Variants in RAI2 observed in about 807,000 individuals in gnomAD.
RAI2 encodes retinoic acid-induced protein 2.
A neutral mutation model predicts 15.3 loss-of-function variants in RAI2; 5 were observed. The observed-to-expected ratio is 0.33, with a 90% CI of 0.17 to 0.69. RAI2 has a LOEUF of 0.69. Ranked by LOEUF, RAI2 falls within the 30% of genes least tolerant of loss-of-function variation. RAI2 has a pLI of 0.69. For missense variants in RAI2, 424 were observed against 424.7 expected (o/e 1.00, Z 0.01); for synonymous variants, 191 against 184.0 (o/e 1.04, Z -0.31).
Position 17,801,675 on chromosome X carries a change from G to T in RAI2, c.336C>A (p.Tyr112Ter). ...GCACGGGGCCCTGGGTGGTCATGAC[G>T]TAGGTGGCATTGCCATTCGGATTGA... is the stretch of plus-strand genomic sequence containing the variant. Reference protein sequence around the residue: ...PELNPNGNATYVMTTQGPVQL... With the variant: ...PELNPNGNAT The change falls in exon 2 of 2, where the codon TAC (tyrosine) becomes TAA (stop). Residue 112 changes from tyrosine to a stop codon, truncating the protein, a stop_gained. Coordinates refer to ENST00000451717, the MANE Select transcript of RAI2 (RefSeq NM_021785.6). LOFTEE classifies it high-confidence loss of function. The T allele has an allele frequency of 8.3e-7, 1 of 1,212,044 alleles. No homozygotes were observed. The highest frequency in any genetic ancestry group is 1.1e-6 in the Non-Finnish European group (1 of 895,592).
At chrX:17,859,812 A>G (rs2147294218) in intron 1 of RAI2, among the ~76,000 whole-genome samples, 1 of 111,469 alleles carries the variant, frequency 9.0e-6, no homozygotes, top group African/African-American at 3.3e-5. Flanking sequence ...GGTCACCCAG[A>G]CGCTGCGCCG....
Position 17,801,297 on chromosome X carries a change from G to A in RAI2, c.714C>T (p.Val238=). The change falls in exon 2 of 2, where the codon GTC becomes GTT. Residue 238 remains valine, a synonymous_variant. Transcript: ENST00000451717. ...ATLLVPYPVI[V]PLPVPVPIPI... ...GAATAGGGACTGGCACAGGCAAGGG[G>A]ACGATTACAGGATACGGCACCAAGA... is the stretch of plus-strand genomic sequence containing the variant. The A allele has an allele frequency of 8.4e-7, 1 of 1,186,489 alleles. No individual in the cohort carries two copies. Among genetic ancestry groups the A allele is most frequent in the Non-Finnish European group, 1.1e-6 (1 of 882,100 alleles).
At chrX:17,814,934 CTAATAA>C (rs527628476) in intron 1 of RAI2, among the ~76,000 whole-genome samples, 3,352 of 106,188 alleles carry the variant, frequency 0.032, 55 homozygotes, top group Non-Finnish European at 0.051. Context: ...TGCATGCTGC[CTAATAA>C]TAATAATAAT....
chrX:17,816,192 A>G (rs2067106328), intron 1 of RAI2, among the ~76,000 whole-genome samples: 1 of 110,444 alleles, frequency 9.1e-6, no homozygotes, highest in Non-Finnish European at 1.9e-5. Context: ...GTTTCTAAGC[A>G]TCCCCAGCAG....
At chrX:17,835,762 A>C (rs1211145848) in intron 1 of RAI2, among the ~76,000 whole-genome samples, 3 of 112,127 alleles carry the variant, frequency 2.7e-5, no homozygotes, top group Non-Finnish European at 5.6e-5. Flanking sequence ...GATGAAAAGG[A>C]AACTGGACAA....
At chrX:17,854,592 G>A (rs1229599532) in intron 1 of RAI2, among the ~76,000 whole-genome samples, 1 of 111,333 alleles carries the variant, frequency 9.0e-6, no homozygotes, top group African/African-American at 3.3e-5. Context: ...GAATTATAAG[G>A]GAAAAGTGGC....
intron 1 of RAI2, among the ~76,000 whole-genome samples, chrX:17,851,755 G>C (rs1470702580): frequency 8.9e-6 from 1 of 111,940 alleles, no homozygotes; most frequent in African/African-American, 3.2e-5. Flanking sequence ...TCGAAAGATA[G>C]TGGCAGCCTC....
At position 17,801,675 on chromosome X, in the gene RAI2, G is replaced by A. The variant is rs760262315; in HGVS notation, c.336C>T (p.Tyr112=). The A allele has an allele frequency of 1.2e-4, 145 of 1,210,325 alleles. No individual in the cohort carries two copies. Among genetic ancestry groups the A allele is most frequent in the Middle Eastern group, 2.3e-4 (1 of 4,353 alleles). The part of the protein sequence containing the change: ...PELNPNGNAT[Y]VMTTQGPVQL... ...GCACGGGGCCCTGGGTGGTCATGACGTAGGTGGCATTGCCATTCGGATTGA... is the reference window on the plus strand; with the variant it reads ...GCACGGGGCCCTGGGTGGTCATGACATAGGTGGCATTGCCATTCGGATTGA... Residue 112 remains tyrosine (Y), a synonymous_variant, in exon 2 of 2, where the codon TAC becomes TAT. Coordinates refer to ENST00000451717, the MANE Select transcript of RAI2 (RefSeq NM_021785.6).
intron 1 of RAI2, among the ~76,000 whole-genome samples, chrX:17,853,697 A>G (rs2067564181): frequency 9.0e-6 from 1 of 111,046 alleles, no homozygotes; most frequent in African/African-American, 3.3e-5. Context: ...AAAGGATCCC[A>G]TTTTTTTCAA....
At chrX:17,805,428 T>G (rs2066966816) in intron 1 of RAI2, among the ~76,000 whole-genome samples, 1 of 112,802 alleles carries the variant, frequency 8.9e-6, no homozygotes, top group Non-Finnish European at 1.9e-5. Context: ...GTGGCTATGG[T>G]TCTGTTACTG....
At chrX:17,843,855 C>A (rs1179682395) in intron 1 of RAI2, among the ~76,000 whole-genome samples, 1 of 112,237 alleles carries the variant, frequency 8.9e-6, no homozygotes, top group African/African-American at 3.2e-5. Flanking sequence ...CTAAGAGTAC[C>A]CCATCAAATG....
At chrX:17,853,527 C>A (rs2067562028) in intron 1 of RAI2, among the ~76,000 whole-genome samples, 1 of 110,938 alleles carries the variant, frequency 9.0e-6, no homozygotes, top group African/African-American at 3.3e-5. Flanking sequence ...TGGGTGGAGG[C>A]CAGGGATACT....
At chrX:17,859,414 C>G (rs1340684047) in intron 1 of RAI2, among the ~76,000 whole-genome samples, 1 of 112,008 alleles carries the variant, frequency 8.9e-6, no homozygotes, top group East Asian at 2.8e-4. Flanking sequence ...GCTTTTCTCT[C>G]TGTTCTAAAG....
Position 17,801,473 on chromosome X carries a change from G to T in RAI2, c.538C>A (p.Pro180Thr). The T allele has an allele frequency of 1.7e-6, 2 of 1,173,881 alleles. No homozygotes were observed. The highest frequency in any genetic ancestry group is 2.3e-6 in the Non-Finnish European group (2 of 878,368). The change falls in exon 2 of 2, where the codon CCC (proline) becomes ACC (threonine). Residue 180 changes from proline (P) to threonine (T), a missense_variant. Coordinates refer to ENST00000451717, the MANE Select transcript of RAI2 (RefSeq NM_021785.6). ...AGCACAGCTTCAAATGGCAAAGTGG[G>T]CTCCTGCGGCTGGCTGGGGATCCTC... Reference protein sequence around the residue: ...DLRIPSQPQEPTLPFEAVLQN... With the variant: ...DLRIPSQPQETTLPFEAVLQN...
chrX:17,843,967 T>A (rs192764374), intron 1 of RAI2, among the ~76,000 whole-genome samples: 1 of 112,368 alleles, frequency 8.9e-6, no homozygotes, highest in African/African-American at 3.2e-5. Context: ...TTCTTTTCCA[T>A]TTCAGGCAGA....
rs899364577 is a variant in RAI2 at position 17,800,891 on chromosome X, C to G, written c.1120G>C (p.Val374Leu). 8.3e-7 allele frequency: 1 copy of G among 1,211,408 alleles called. No homozygotes were observed. Among genetic ancestry groups the G allele is most frequent in the Admixed American group, 2.2e-5 (1 of 46,005 alleles). ...ATGCCACTGGGAAGTTTCTCCATCA[C>G]TGTGTGACCTGAGCTGTCCACTGAT... Reference protein sequence around the residue: ...GASVDSSGHTVMEKLPSGMEI... With the variant: ...GASVDSSGHTLMEKLPSGMEI... The change falls in exon 2 of 2, where the codon GTG (valine) becomes CTG (leucine). Residue 374 changes from valine (V) to leucine (L), a missense_variant. By Grantham distance (32) the Val-to-Leu change is conservative. Transcript: ENST00000451717.
Position 17,802,053 on chromosome X carries a change from A to G in RAI2, c.-24-19T>C. On this transcript the variant is annotated intron_variant, in intron 1 of 1. Coordinates refer to ENST00000451717, the MANE Select transcript of RAI2 (RefSeq NM_021785.6). ...ACTTGGCCTGCAACACAGAACATAC[A>G]ATATGAATCTTCCTTAAAAGACTAT... 1.7e-6 allele frequency: 2 copies of G among 1,150,030 alleles called. No homozygotes were observed. The highest frequency in any genetic ancestry group is 2.3e-6 in the Non-Finnish European group (2 of 863,632). 94.8% of individuals were successfully genotyped at this position (1,150,030 alleles called of 1,213,427 possible). A position where few individuals can be genotyped will look rare whatever the true frequency, so the allele number is the denominator to read the frequency against.
At chrX:17,815,011 G>A (rs1055787180) in intron 1 of RAI2, among the ~76,000 whole-genome samples, 5 of 110,365 alleles carry the variant, frequency 4.5e-5, no homozygotes, top group Non-Finnish European at 3.8e-5. Context: ...AGGGTGAAGA[G>A]TACTCATCTT....
chrX:17,833,692 C>T (rs2067305876), intron 1 of RAI2, among the ~76,000 whole-genome samples: 2 of 111,764 alleles, frequency 1.8e-5, no homozygotes, highest in African/African-American at 3.3e-5. Context: ...GTTATATGAA[C>T]GTACACATAG....
Sources: gnomAD v4.1 joint callset for allele counts (sites outside exome capture counted in the v4.1 genomes callset) on GRCh38, gnomAD v4.1.1 for gene constraint, MANE v1.5 for transcripts, NCBI Gene and HGNC (gene_info 2026-07-23, HGNC 2026-07-21) for gene names.